The following ATL2 variants were observed in gnomAD, a reference collection of about 807,000 sequenced individuals.
The protein encoded by ATL2 is atlastin GTPase 2.
A neutral mutation model predicts 73.9 loss-of-function variants in ATL2; 31 were observed. The observed-to-expected ratio is 0.42, with a 90% CI of 0.32 to 0.57. The LOEUF is 0.57. Ranked by LOEUF, ATL2 falls within the 20% of genes least tolerant of loss-of-function variation. The probability of loss-of-function intolerance (pLI) is 0.14; values close to 1 mark genes in which losing one functional copy is unlikely to be tolerated. For synonymous variants in ATL2, 291 were observed against 237.5 expected (o/e 1.23, Z -2.07); for missense variants, 738 against 702.6 (o/e 1.05, Z -0.57).
chr2:38,297,791 C>T (rs1366784514), intron 12 of ATL2: 6 of 167,046 alleles, frequency 3.6e-5, no homozygotes, highest in African/African-American at 1.4e-4. Flanking sequence ...TCCGAAAGCA[C>T]CACTTCCAAA....
intron 1 of ATL2, among the ~76,000 whole-genome samples, chr2:38,344,595 G>A (rs1057419101): frequency 1.3e-5 from 2 of 152,160 alleles, no homozygotes; most frequent in African/African-American, 4.8e-5. Context: ...GGGCAACAGA[G>A]TGAGTCTCAG....
At chr2:38,376,273 G>C (rs1671959326) in intron 1 of ATL2, 1 of 1,375,188 alleles carries the variant, frequency 7.3e-7, no homozygotes, top group Non-Finnish European at 9.5e-7. Context: ...ATGAGTGAGA[G>C]GGATACACTG....
chr2:38,306,640 GAAC>G (rs1434611602), intron 9 of ATL2, among the ~76,000 whole-genome samples: 1 of 152,120 alleles, frequency 6.6e-6, no homozygotes, highest in Non-Finnish European at 1.5e-5. Context: ...CCAGAATGAA[GAAC>G]AAAAACCATA....
intron 2 of ATL2, among the ~76,000 whole-genome samples, chr2:38,328,533 G>A (rs1037592103): frequency 2.0e-5 from 3 of 152,002 alleles, no homozygotes; most frequent in African/African-American, 7.3e-5. Context: ...AACACAGCTG[G>A]AAAACTCCCC....
intron 2 of ATL2, among the ~76,000 whole-genome samples, chr2:38,342,264 G>C (rs920647880): frequency 1.3e-5 from 2 of 152,014 alleles, no homozygotes; most frequent in African/African-American, 4.8e-5. Flanking sequence ...CCCAGTTCTT[G>C]TGCCAGGTGC....
intron 3 of ATL2, 80 bp downstream of exon 3, chr2:38,318,805 T>C: frequency 6.7e-7 from 1 of 1,486,922 alleles, no homozygotes; most frequent in Non-Finnish European, 9.2e-7. Flanking sequence ...ACATTAATAG[T>C]TCTGTGTTGT....
At chr2:38,312,841 A>G (rs1056041884) in intron 7 of ATL2, among the ~76,000 whole-genome samples, 11 of 152,034 alleles carry the variant, frequency 7.2e-5, no homozygotes, top group African/African-American at 2.7e-4. Context: ...TCTTTTCTTC[A>G]TAAATTACCC....
At chr2:38,342,802 TTA>T (rs964733550) in intron 2 of ATL2, among the ~76,000 whole-genome samples, 47 of 152,150 alleles carry the variant, frequency 3.1e-4, no homozygotes, top group Non-Finnish European at 5.9e-4. Flanking sequence ...AGATGCTCAA[TTA>T]TATGTTTCCA....
chr2:38,323,610 T>G (rs1051571061), intron 2 of ATL2, among the ~76,000 whole-genome samples: 19 of 152,066 alleles, frequency 1.2e-4, no homozygotes, highest in Non-Finnish European at 2.9e-5. Context: ...TTCTAAACAG[T>G]AAGAAACAAA....
chr2:38,296,597 C>G, intron 12 of ATL2: 1 of 1,613,512 alleles, frequency 6.2e-7, no homozygotes. Flanking sequence ...ACACCTAAAA[C>G]ATGAAGTGAT....
At chr2:38,341,619 C>T (rs1669725116) in intron 2 of ATL2, among the ~76,000 whole-genome samples, 1 of 152,192 alleles carries the variant, frequency 6.6e-6, no homozygotes, top group Admixed American at 6.5e-5. Flanking sequence ...CACACCACCG[C>T]ACTCCAGCCT....
intron 2 of ATL2, among the ~76,000 whole-genome samples, chr2:38,319,408 G>A (rs1308255484): frequency 6.6e-6 from 1 of 152,090 alleles, no homozygotes; most frequent in Non-Finnish European, 1.5e-5. Flanking sequence ...AGACCAGCCT[G>A]GCCAACGTGG....
chr2:38,325,691 C>CCAGT (rs1668589539), intron 2 of ATL2, among the ~76,000 whole-genome samples: 9 of 61,284 alleles, frequency 1.5e-4, no homozygotes, highest in South Asian at 5.9e-4. Flanking sequence ...CACACACACA[C>CCAGT]ACACCAGTAC....
At position 38,298,538 on chromosome 2, in the gene ATL2, T is replaced by C. The variant is rs1667025273; in HGVS notation, c.1238A>G (p.Asp413Gly). 1 of 1,614,174 alleles carries C rather than the reference T, an allele frequency of 6.2e-7. No homozygotes were observed. Among genetic ancestry groups the C allele is most frequent in the East Asian group, 2.2e-5 (1 of 44,886 alleles). Residue 413 changes from aspartate to glycine, a missense_variant, in exon 12 of 13, where the codon GAT (aspartate) becomes GGT (glycine). Coordinates refer to ENST00000378954, the MANE Select transcript of ATL2 (RefSeq NM_001135673.4). ...GGDKPYIAPS[D>G]LERKHLDLKE... is the part of the protein sequence containing the mutation. ...GAGATCCAAGTGTTTTCGCTCCAGA[T>C]CTGAAGGTGCAATGTAAGGCTTGTC...
intron 12 of ATL2, 38 bp from the exon 13 acceptor site, chr2:38,296,151 G>A: frequency 1.3e-6 from 2 of 1,513,818 alleles, no homozygotes; most frequent in Non-Finnish European, 1.8e-6. Flanking sequence ...ACAAAAACAT[G>A]AGGTAAAAAA....
intron 1 of ATL2, chr2:38,376,029 A>G (rs2124513823): frequency 7.4e-7 from 1 of 1,345,140 alleles, no homozygotes; most frequent in South Asian, 2.1e-5. Context: ...TATCCAGCAA[A>G]ACCTTTACAC....
chr2:38,324,980 T>C (rs1421454356), intron 2 of ATL2, among the ~76,000 whole-genome samples: 24 of 152,180 alleles, frequency 1.6e-4, no homozygotes. Flanking sequence ...CACAACAATG[T>C]GAACAGACTT....
chr2:38,365,525 T>A (rs1434411654), intron 1 of ATL2, among the ~76,000 whole-genome samples: 1 of 152,054 alleles, frequency 6.6e-6, no homozygotes, highest in African/African-American at 2.4e-5. Context: ...GAGCAGTGAC[T>A]CACACCTGTA....
intron 2 of ATL2, among the ~76,000 whole-genome samples, chr2:38,331,289 A>T (rs998046754): frequency 4.6e-5 from 7 of 152,028 alleles, no homozygotes; most frequent in African/African-American, 1.7e-4. Context: ...TACAAAAAGT[A>T]GCTGGGCATG....
Sources: allele counts gnomAD v4.1 joint callset (sites outside exome capture counted in the v4.1 genomes callset), GRCh38; gene constraint gnomAD v4.1.1; transcripts MANE v1.5; gene names NCBI Gene and HGNC (gene_info 2026-07-23, HGNC 2026-07-21).